HLX: variants seen among roughly 807,000 people sequenced by gnomAD.
The protein encoded by HLX is H2.0-like homeobox protein.
HLX carries 6 observed loss-of-function variants against 27.7 expected under a neutral mutation model. The ratio of observed to expected loss-of-function variants is 0.22; its 90% CI spans 0.12 to 0.43. HLX has a LOEUF of 0.43. Ranked by LOEUF, HLX falls within the 20% of genes least tolerant of loss-of-function variation. The pLI is 1.00. For missense variants in HLX, 666 were observed against 655.2 expected, an observed-to-expected ratio of 1.02 and a Z score of -0.18; for synonymous variants, 328 against 293.8, an observed-to-expected ratio of 1.12 and a Z score of -1.19.
rs895569574 is a variant in HLX, at chr1:220,879,941, C to A, written c.84C>A (p.Gly28=). The change falls in exon 1 of 4, where the codon GGC becomes GGA. Residue 28 remains glycine, a synonymous_variant. Transcript: ENST00000366903. ...SAAYCSSAGP[G]GCSFPLDPAA... is the part of the protein sequence containing the mutation. ...CTTACTGCTCCTCGGCCGGCCCAGG[C>A]GGCTGCTCCTTCCCCTTGGACCCCG... The A allele has an allele frequency of 6.3e-7, 1 of 1,598,482 alleles. No individual in the cohort carries two copies. Among genetic ancestry groups the A allele is most frequent in the East Asian group, 2.2e-5 (1 of 44,736 alleles).
chr1:220,879,906 T>C lies in HLX; in HGVS notation c.49T>C (p.Trp17Arg). 6.3e-7 allele frequency: 1 copy of C among 1,595,110 alleles called. No homozygotes were observed. The highest frequency in any genetic ancestry group is 8.5e-7 in the Non-Finnish European group (1 of 1,176,766). ...CTTCTACGCCTCCAACTTCAGCCTC[T>C]GGTCGGCCGCTTACTGCTCCTCGGC... ...APFYASNFSLWSAAYCSSAGP... is the reference protein window; with the variant it reads ...APFYASNFSLRSAAYCSSAGP... The change falls in exon 1 of 4, where the codon TGG (tryptophan) becomes CGG (arginine). Residue 17 changes from tryptophan (W) to arginine (R), a missense_variant. Physicochemically the swap from Trp to Arg is moderately radical, Grantham distance 101. Coordinates refer to ENST00000366903, the MANE Select transcript of HLX (RefSeq NM_021958.4).
chr1:220,884,444 C>G lies in HLX; in HGVS notation c.1207C>G (p.Gln403Glu), dbSNP rs180838062. Reference sequence around the variant, plus strand: ...TGAGGGGAGTGAGCGTTCTCTGCACCAAACAACAGTTATTAAGGCCCCGGT... The same window carrying G: ...TGAGGGGAGTGAGCGTTCTCTGCACGAAACAACAGTTATTAAGGCCCCGGT... The part of the protein sequence containing the change: ...RTEGSERSLH[Q>E]TTVIKAPVTG... Residue 403 changes from glutamine to glutamate, a missense_variant, in exon 4 of 4, where the codon CAA becomes GAA. Gln to Glu is a conservative substitution (Grantham distance 29). Transcript: ENST00000366903. The surrounding 1 kb of genome is among the most constrained non-coding windows in gnomAD (Gnocchi z 4.9). 2.7e-5 allele frequency: 44 copies of G among 1,614,168 alleles called. No homozygotes were observed. In the East Asian group the frequency reaches 9.1e-4, roughly 34 times the overall value.
intron 2 of HLX, chr1:220,881,853 G>A: frequency 2.3e-6 from 1 of 441,126 alleles, no homozygotes; most frequent in East Asian, 5.0e-5. Context: ...TCAGGCCCAA[G>A]GGACATTTTT....
rs554006386 is a variant in HLX, at chr1:220,884,459, A to C, written c.1222A>C (p.Lys408Gln). Residue 408 changes from lysine to glutamine, a missense_variant, in exon 4 of 4, where the codon AAG becomes CAG. Transcript: ENST00000366903. The surrounding 1 kb of genome is among the most constrained non-coding windows in gnomAD (Gnocchi z 4.9). The part of the protein sequence containing the change: ...ERSLHQTTVI[K>Q]APVTGALITA... ...TTCTCTGCACCAAACAACAGTTATT[A>C]AGGCCCCGGTCACTGGCGCCCTCAT... is the stretch of plus-strand genomic sequence containing the variant. 7.4e-6 allele frequency: 12 copies of C among 1,614,160 alleles called. No homozygotes were observed. In the African/African-American group the frequency reaches 1.3e-4, roughly 18 times the overall value.
intron 1 of HLX, 139 bp from the exon 2 acceptor site, chr1:220,881,055 G>A (rs1390567878): frequency 2.6e-6 from 2 of 783,936 alleles, no homozygotes; most frequent in East Asian, 5.0e-5. Flanking sequence ...GGAGAGAGAG[G>A]TTTCAGCGCC....
rs903794561 is a variant in HLX, at chr1:220,885,018, C to T, written c.*314C>T. On this transcript the variant is annotated 3_prime_UTR_variant, in exon 4 of 4. Coordinates refer to ENST00000366903, the MANE Select transcript of HLX (RefSeq NM_021958.4). ...GGTCGTGGCTCAAAGGCACTTAGGA[C>T]GCCTTAAATTTGTAAATAAAATGTT... The T allele has an allele frequency of 2.1e-5, 9 of 432,096 alleles. No homozygotes were observed. The highest frequency in any genetic ancestry group is 3.8e-5 in the Non-Finnish European group (9 of 237,870). 26.8% of individuals were successfully genotyped at this position (432,096 alleles called of 1,614,324 possible).
intron 2 of HLX, 193 bp from the exon 3 acceptor site, chr1:220,881,971 C>G: frequency 2.9e-6 from 2 of 684,512 alleles, no homozygotes. Flanking sequence ...TTAGGTCTTC[C>G]GACTGTCGTG....
rs1371424857 is a variant in HLX, at chr1:220,882,190, A to T, written c.799A>T (p.Thr267Ser). 6 of 1,614,152 alleles carry T rather than the reference A, an allele frequency of 3.7e-6. No homozygotes were observed. The highest frequency in any genetic ancestry group is 5.1e-6 in the Non-Finnish European group (6 of 1,180,012). ...TCCCTATGCTGTGCTCACGAAGGAC[A>T]CCATGCCGCAGACGTACAAAAGGAA... ...PGPYAVLTKD[T>S]MPQTYKRKRS... The change falls in exon 3 of 4, where the codon ACC (threonine) becomes TCC (serine). Residue 267 changes from threonine (T) to serine (S), a missense_variant. By Grantham distance (58) the Thr-to-Ser change is moderately conservative. Coordinates refer to ENST00000366903, the MANE Select transcript of HLX (RefSeq NM_021958.4).
At chr1:220,882,402 G>C in intron 3 of HLX, 54 bp downstream of exon 3, 1 of 1,546,618 alleles carries the variant, frequency 6.5e-7, no homozygotes, top group Non-Finnish European at 8.9e-7. Context: ...AGCAGCGCAC[G>C]GCCTAGTCTG....
chr1:220,881,623 T>G (rs1674448070), intron 2 of HLX: 2 of 561,770 alleles, frequency 3.6e-6, no homozygotes, highest in Admixed American at 6.1e-5. Flanking sequence ...GGTGGGGGGC[T>G]TTCTCGAAGT....
chr1:220,879,534 G>T lies in HLX; in HGVS notation c.-324G>T, dbSNP rs1246691514. On this transcript the variant is annotated 5_prime_UTR_variant, in exon 1 of 4. Coordinates refer to ENST00000366903, the MANE Select transcript of HLX (RefSeq NM_021958.4). ...TTAGCTATTTGGGTTTTCTTGCGGT[G>T]TCCGGCTCCCGTCTCCCTGGCTCCC... The T allele has an allele frequency of 9.2e-6, 4 of 436,272 alleles. No individual in the cohort carries two copies. Among genetic ancestry groups the T allele is most frequent in the Non-Finnish European group, 1.6e-5 (4 of 245,906 alleles). 27.0% of individuals were successfully genotyped at this position (436,272 alleles called of 1,614,324 possible).
At chr1:220,882,401 C>G in intron 3 of HLX, 53 bp downstream of exon 3, 2 of 1,553,950 alleles carry the variant, frequency 1.3e-6, no homozygotes, top group Non-Finnish European at 1.8e-6. Flanking sequence ...CAGCAGCGCA[C>G]GGCCTAGTCT....
In HLX at chr1:220,880,027, T is replaced by C. The variant is rs1295408362; in HGVS notation, c.170T>C (p.Leu57Pro). The change falls in exon 1 of 4, where the codon CTG (leucine) becomes CCG (proline). Residue 57 changes from leucine (L) to proline (P), a missense_variant. Transcript: ENST00000366903. ...ADILHAGVGDLGAAPEGLAGA... is the reference protein window; with the variant it reads ...ADILHAGVGDPGAAPEGLAGA... ...ATTCTGCACGCCGGCGTGGGGGATC[T>C]GGGGGCGGCCCCGGAGGGCCTGGCA... 6.3e-7 allele frequency: 1 copy of C among 1,594,036 alleles called. No individual in the cohort carries two copies. Among genetic ancestry groups the C allele is most frequent in the Admixed American group, 1.7e-5 (1 of 59,306 alleles).
In HLX at chr1:220,879,924, T is replaced by C; in HGVS notation, c.67T>C (p.Ser23Pro). ...CAGCCTCTGGTCGGCCGCTTACTGC[T>C]CCTCGGCCGGCCCAGGCGGCTGCTC... ...NFSLWSAAYC[S>P]SAGPGGCSFP... The change falls in exon 1 of 4, where the codon TCC (serine) becomes CCC (proline). Residue 23 changes from serine (S) to proline (P), a missense_variant. Coordinates refer to ENST00000366903, the MANE Select transcript of HLX (RefSeq NM_021958.4). 6.3e-7 allele frequency: 1 copy of C among 1,597,082 alleles called. No homozygotes were observed.
chr1:220,882,321 G>C lies in HLX; in HGVS notation c.930G>C (p.Ala310=). The change falls in exon 3 of 4, where the codon GCG becomes GCC. Residue 310 remains alanine (A), a synonymous_variant. Coordinates refer to ENST00000366903, the MANE Select transcript of HLX (RefSeq NM_021958.4). ...YVTKPDRKQL[A]AMLGLTDAQV... ...CCAAGCCGGACCGAAAGCAGCTGGCGGCGATGCTGGGCCTCACGGACGCAC... is the reference window on the plus strand; with the variant it reads ...CCAAGCCGGACCGAAAGCAGCTGGCCGCGATGCTGGGCCTCACGGACGCAC... 6.2e-7 allele frequency: 1 copy of C among 1,614,214 alleles called. No individual in the cohort carries two copies. Among genetic ancestry groups the C allele is most frequent in the South Asian group, 1.1e-5 (1 of 91,080 alleles).
At chr1:220,881,761 TAAACACACACACACACAC>T in intron 2 of HLX, 3 of 333,688 alleles carry the variant, frequency 9.0e-6, no homozygotes, top group Non-Finnish European at 1.6e-5. Flanking sequence ...CATGCGGGAA[TAAACACACACACACACAC>T]ACACACACAC....
chr1:220,884,144 C>T lies in HLX; in HGVS notation c.958-51C>T. 1.9e-6 allele frequency: 3 copies of T among 1,593,240 alleles called. No individual in the cohort carries two copies. The South Asian group carries it at 3.3e-5, about 18-fold the overall frequency. Reference sequence around the variant, plus strand: ...GCACGCGAGTCGGATAGGAGCAAACCTGGGTCTCATCTCGGTGTCTCTTCT... The same window carrying T: ...GCACGCGAGTCGGATAGGAGCAAACTTGGGTCTCATCTCGGTGTCTCTTCT... On this transcript the variant is annotated intron_variant, in intron 3 of 3. Coordinates refer to ENST00000366903, the MANE Select transcript of HLX (RefSeq NM_021958.4). This position sits in a 1 kb window ranked among gnomAD's most constrained non-coding sequence, Gnocchi z 4.9.
chr1:220,882,374 C>G, intron 3 of HLX, 26 bp downstream of exon 3: 3 of 1,611,044 alleles, frequency 1.9e-6, no homozygotes, highest in Non-Finnish European at 2.5e-6. Context: ...CTCCAGCGCA[C>G]AGCGCCCTCG....
In HLX at chr1:220,881,210, A is replaced by T. The variant is rs1229664434; in HGVS notation, c.609A>T (p.Leu203=). 1.2e-6 allele frequency: 2 copies of T among 1,613,960 alleles called. No individual in the cohort carries two copies. The highest frequency in any genetic ancestry group is 8.5e-7 in the Non-Finnish European group (1 of 1,179,810). ...GNTLRDLTSL[L]TGGRPAGVHL... ...TGTCCCCAGATCTCACTTCCCTGCT[A>T]ACCGGTGGGCGGCCCGCCGGGGTGC... is the stretch of plus-strand genomic sequence containing the variant. Residue 203 remains leucine, a synonymous_variant, in exon 2 of 4, where the codon CTA becomes CTT. Transcript: ENST00000366903.
Sources: gnomAD v4.1 joint callset for allele counts on GRCh38, gnomAD v4.1.1 for gene constraint, Gnocchi (gnomAD v3.1) non-coding constraint, MANE v1.5 for transcripts, NCBI Gene and HGNC (gene_info 2026-07-23, HGNC 2026-07-21) for gene names.